TCF3: variants seen among roughly 807,000 people sequenced by gnomAD.
TCF3 encodes transcription factor E2-alpha.
A neutral mutation model predicts 72.3 loss-of-function variants in TCF3; 54 were observed. The ratio of observed to expected loss-of-function variants is 0.75; its 90% CI spans 0.60 to 0.94. The LOEUF is 0.94. Among genes scored for constraint, TCF3 ranks in the 40% least tolerant of loss-of-function variants. The pLI, the probability that TCF3 is intolerant of heterozygous loss-of-function variation, is 0.00. For missense variants in TCF3, 1,078 were observed against 934.4 expected (o/e 1.15, Z -2.00); for synonymous variants, 525 against 412.6 (o/e 1.27, Z -3.30).
chr19:1,621,775 C>A, intron 11 of TCF3, 63 bp downstream of exon 11: 1 of 1,491,632 alleles, frequency 6.7e-7, no homozygotes, highest in Non-Finnish European at 8.9e-7. Context: ...CCACCCCCCA[C>A]CCAGACCCTG....
chr19:1,616,785 A>T, intron 16 of TCF3, among the ~76,000 whole-genome samples: 1 of 152,344 alleles, frequency 6.6e-6, no homozygotes, highest in Non-Finnish European at 1.5e-5. Context: ...AACAAGTAAA[A>T]AAGAAAAAAC....
Position 1,619,391 on chromosome 19 carries a change from CGT to C in TCF3, c.1249_1250del (p.Thr417AlafsTer57). ...HAVGTAGDMH[T>X]LLPGHGALAS... ...CCAGCGCCCCGTGGCCAGGCAGCAG[CGT>C]GTGCATGTCGCCGGCTGTGCCCACG... is the stretch of plus-strand genomic sequence containing the variant. On this transcript the variant is annotated frameshift_variant, in exon 15 of 19. Transcript: ENST00000262965. LOFTEE classifies it high-confidence loss of function. 1 of 1,593,336 alleles carries C rather than the reference CGT, an allele frequency of 6.3e-7. No individual in the cohort carries two copies. Among genetic ancestry groups the C allele is most frequent in the Non-Finnish European group, 8.5e-7 (1 of 1,177,058 alleles).
At chr19:1,612,615 T>C (rs1279389291) in intron 18 of TCF3, among the ~76,000 whole-genome samples, 4 of 138,620 alleles carry the variant, frequency 2.9e-5, no homozygotes, top group East Asian at 2.2e-4. Context: ...ATGGCTTACA[T>C]TGGTGGGCAC....
rs753137385 is a variant in TCF3 at position 1,619,826 on chromosome 19, G to A, written c.1121C>T (p.Ala374Val). The A allele has an allele frequency of 8.9e-6, 14 of 1,578,184 alleles. No homozygotes were observed. The highest frequency in any genetic ancestry group is 3.6e-5 in the Admixed American group (2 of 55,228). ...GTAGCTGGGCGATAAGGCACCGGGG[G>A]CTCCTGCTCGAGGCCACTGTGACGT... ...AGTSQWPRAG[A>V]PGALSPSYDG... The change falls in exon 14 of 19, where the codon GCC becomes GTC. Residue 374 changes from alanine (A) to valine (V), a missense_variant. Transcript: ENST00000262965.
intron 7 of TCF3, among the ~76,000 whole-genome samples, chr19:1,624,203 C>T (rs1243430930): frequency 6.6e-6 from 1 of 152,196 alleles, no homozygotes; most frequent in Non-Finnish European, 1.5e-5. Context: ...CAAGACCATC[C>T]TGGCCAACAC....
intron 1 of TCF3, 30 bp from the exon 2 acceptor site, chr19:1,650,317 A>G (rs183630944): frequency 5.7e-5 from 81 of 1,424,782 alleles, no homozygotes; most frequent in Non-Finnish European, 7.3e-5. Context: ...ACAGATGGAC[A>G]GGGAGAAACA....
Position 1,611,528 on chromosome 19 carries a change from G to T in TCF3, c.*179C>A. On this transcript the variant is annotated 3_prime_UTR_variant, in exon 19 of 19. Coordinates refer to ENST00000262965, the MANE Select transcript of TCF3 (RefSeq NM_003200.5). ...AGGCCAGGGCCCCAGGGAGCTCCTGGACCCAGTGTCACCTTGGCCGCCCCC... is the reference window on the plus strand; with the variant it reads ...AGGCCAGGGCCCCAGGGAGCTCCTGTACCCAGTGTCACCTTGGCCGCCCCC... The T allele has an allele frequency of 1.2e-6, 1 of 812,028 alleles. No individual in the cohort carries two copies. Among genetic ancestry groups the T allele is most frequent in the South Asian group, 2.0e-5 (1 of 50,462 alleles). The allele number at this position is 812,028 out of a possible 1,614,324, so 50.3% of individuals were successfully genotyped here. A position where few individuals can be genotyped will look rare whatever the true frequency, so the allele number is the denominator to read the frequency against.
chr19:1,643,568 C>T (rs984549595), intron 3 of TCF3, among the ~76,000 whole-genome samples: 1 of 151,828 alleles, frequency 6.6e-6, no homozygotes, highest in Non-Finnish European at 1.5e-5. Flanking sequence ...CAGGCTGGAG[C>T]GCAGTGGCTC....
At chr19:1,643,136 C>A (rs981451123) in intron 3 of TCF3, among the ~76,000 whole-genome samples, 1 of 152,122 alleles carries the variant, frequency 6.6e-6, no homozygotes, top group Non-Finnish European at 1.5e-5. Flanking sequence ...AGAAGGCGTA[C>A]GAAAATTATT....
intron 3 of TCF3, among the ~76,000 whole-genome samples, chr19:1,642,269 C>CGCACACACGCAT: frequency 6.6e-6 from 1 of 151,606 alleles, no homozygotes; most frequent in Non-Finnish European, 1.5e-5. Context: ...CACACACGCA[C>CGCACACACGCAT]GCACACGCAC....
Position 1,642,129 on chromosome 19 carries a change from T to TACACACAC in TCF3, c.145+4218_145+4225dup, listed in dbSNP as rs10531649. Among the ~76,000 whole-genome samples, 386 of 147,346 alleles carry TACACACAC rather than the reference T, an allele frequency of 2.6e-3. 2 individuals are homozygous for TACACACAC. The highest frequency in any genetic ancestry group is 0.015 in the East Asian group (77 of 4,988). On this transcript the variant is annotated intron_variant, in intron 3 of 18. Transcript: ENST00000262965. ...TGCATGTCTCAAAACTGCACAGAAC[T>TACACACAC]ACACACACACACACACACACACACA...
chr19:1,634,936 C>T (rs187937223), intron 3 of TCF3, among the ~76,000 whole-genome samples: 2 of 152,366 alleles, frequency 1.3e-5, no homozygotes, highest in African/African-American at 4.8e-5. Context: ...ACAATATTCA[C>T]TCCTTGGTCC....
chr19:1,648,362 GC>G (rs1239552255), intron 2 of TCF3, among the ~76,000 whole-genome samples: 1 of 152,130 alleles, frequency 6.6e-6, no homozygotes, highest in Admixed American at 6.5e-5. Context: ...GAGGGGGGAC[GC>G]CCGGAGAGGA....
chr19:1,614,350 G>C lies in TCF3; in HGVS notation c.1822+935C>G, dbSNP rs1309805852. 6.6e-6 allele frequency among the ~76,000 whole-genome samples: 1 copy of C among 152,214 alleles called. No individual in the cohort carries two copies. Among genetic ancestry groups the C allele is most frequent in the Non-Finnish European group, 1.5e-5 (1 of 68,030 alleles). On this transcript the variant is annotated intron_variant, in intron 18 of 18. Transcript: ENST00000262965. The surrounding 1 kb of genome is among the most constrained non-coding windows in gnomAD (Gnocchi z 5.6). ...GGTTTCTTCCCGCAAGCCCTGACGGGGGGCTTTGGGGGAGGAAACGCCCTG... is the reference window on the plus strand; with the variant it reads ...GGTTTCTTCCCGCAAGCCCTGACGGCGGGCTTTGGGGGAGGAAACGCCCTG...
chr19:1,615,257 G>C lies in TCF3; in HGVS notation c.1822+28C>G, dbSNP rs1262043855. 2 of 1,551,738 alleles carry C rather than the reference G, an allele frequency of 1.3e-6. No homozygotes were observed. Among genetic ancestry groups the C allele is most frequent in the Non-Finnish European group, 1.7e-6 (2 of 1,145,896 alleles). On this transcript the variant is annotated intron_variant, in intron 18 of 18. Transcript: ENST00000262965. The surrounding 1 kb of genome is among the most constrained non-coding windows in gnomAD (Gnocchi z 7.3). ...ACACGAGGGAGGGTGGCGCTGCAGG[G>C]ACGCTGGTGGCCCGCGCCCCCACTG...
Position 1,625,632 on chromosome 19 carries a change from T to G in TCF3, c.443A>C (p.Gln148Pro). The G allele has an allele frequency of 6.4e-7, 1 of 1,563,030 alleles. No individual in the cohort carries two copies. The highest frequency in any genetic ancestry group is 8.6e-7 in the Non-Finnish European group (1 of 1,158,950). The part of the protein sequence containing the change: ...LSPSGMKGTS[Q>P]YYPSYSGSSR... ...GCTGCCGGAGTAGGAGGGGTAGTAC[T>G]GGGAGGTCCCCTTCATGCCCGAAGG... The change falls in exon 7 of 19, where the codon CAG becomes CCG. Residue 148 changes from glutamine (Q) to proline (P), a missense_variant. Transcript: ENST00000262965.
chr19:1,641,826 C>A (rs2065286613), intron 3 of TCF3, among the ~76,000 whole-genome samples: 1 of 151,936 alleles, frequency 6.6e-6, no homozygotes, highest in Non-Finnish European at 1.5e-5. Flanking sequence ...CTCCTGGGCT[C>A]CGGCAATTCT....
Position 1,641,881 on chromosome 19 carries a change from G to A in TCF3, c.145+4474C>T, listed in dbSNP as rs967967388. Among the ~76,000 whole-genome samples, 6 of 152,000 alleles carry A rather than the reference G, an allele frequency of 3.9e-5. No individual in the cohort carries two copies. In the East Asian group the frequency reaches 9.7e-4, roughly 24 times the overall value. On this transcript the variant is annotated intron_variant, in intron 3 of 18. Transcript: ENST00000262965. Reference sequence around the variant, plus strand: ...GTGCTGGGGATTACCAGTGTGAGCCGCTGACCCAGCCCTCTACAAAATACA... The same window carrying A: ...GTGCTGGGGATTACCAGTGTGAGCCACTGACCCAGCCCTCTACAAAATACA...
Position 1,610,859 on chromosome 19 carries a change from C to T in TCF3, c.*848G>A, listed in dbSNP as rs887337980. The T allele has an allele frequency of 8.8e-6, 2 of 226,152 alleles. No homozygotes were observed. The highest frequency in any genetic ancestry group is 1.7e-5 in the Non-Finnish European group (2 of 114,532). The allele number at this position is 226,152 out of a possible 1,614,324, so 14.0% of individuals were successfully genotyped here. On this transcript the variant is annotated 3_prime_UTR_variant, in exon 19 of 19. Transcript: ENST00000262965. ...TTTCCACATGACAAAACCAAGAGAA[C>T]CCCCAACATCAAAAAAACAAAAGAC...
Sources: allele counts gnomAD v4.1 joint callset (sites outside exome capture counted in the v4.1 genomes callset), GRCh38; gene constraint gnomAD v4.1.1; non-coding constraint Gnocchi (gnomAD v3.1); transcripts MANE v1.5; gene names NCBI Gene and HGNC (gene_info 2026-07-23, HGNC 2026-07-21).